Variants in SCFD1 observed in about 807,000 individuals in gnomAD.
SCFD1 encodes the protein sec1 family domain containing 1, also known as sec1 family domain-containing protein 1.
In SCFD1, 37 loss-of-function variants were observed where a neutral mutation model predicts 103.2. That is an observed-to-expected ratio of 0.36 (90% CI 0.28 to 0.47). The LOEUF (loss-of-function observed/expected upper bound fraction) is 0.47, where lower values mean the gene tolerates loss of function less well. Among genes scored for constraint, SCFD1 ranks in the 20% least tolerant of loss-of-function variants. The pLI is 1.00. For missense variants in SCFD1, 639 were observed against 761.2 expected, an observed-to-expected ratio of 0.84 and a Z score of 1.89; for synonymous variants, 264 against 245.0, an observed-to-expected ratio of 1.08 and a Z score of -0.73.
intron 7 of SCFD1, among the ~76,000 whole-genome samples, chr14:30,645,155 T>C (rs1046384979): frequency 1.3e-5 from 2 of 152,190 alleles, no homozygotes; most frequent in Non-Finnish European, 2.9e-5. Flanking sequence ...TATGTGGCTT[T>C]ATTTCTGGGT....
intron 23 of SCFD1, among the ~76,000 whole-genome samples, chr14:30,723,601 A>G (rs754191422): frequency 6.6e-6 from 1 of 152,120 alleles, no homozygotes; most frequent in African/African-American, 2.4e-5. Context: ...TGATGTGTCC[A>G]TGTGTTCTCA....
At chr14:30,630,042 T>A (rs371663155) in intron 2 of SCFD1, among the ~76,000 whole-genome samples, 2 of 152,170 alleles carry the variant, frequency 1.3e-5, no homozygotes, top group Non-Finnish European at 2.9e-5. Flanking sequence ...AAAATAAGGG[T>A]ATGAACGTGA....
intron 12 of SCFD1, 61 bp downstream of exon 12, chr14:30,673,408 G>A (rs1028090054): frequency 1.7e-4 from 154 of 895,908 alleles, no homozygotes; most frequent in Admixed American, 3.5e-4. Flanking sequence ...GTTAGATAAA[G>A]AGATTTGGGT....
intron 23 of SCFD1, among the ~76,000 whole-genome samples, chr14:30,728,137 T>C (rs562783247): frequency 9.8e-5 from 15 of 152,302 alleles, no homozygotes; most frequent in African/African-American, 3.4e-4. Context: ...ACTCCACCCC[T>C]CCCTTATTTT....
intron 3 of SCFD1, 36 bp from the exon 4 acceptor site, chr14:30,633,911 A>G (rs374133174): frequency 1.3e-5 from 16 of 1,232,142 alleles, no homozygotes; most frequent in Non-Finnish European, 1.9e-5. Flanking sequence ...AAATAAGTGA[A>G]TAAAAAAATA....
intron 23 of SCFD1, among the ~76,000 whole-genome samples, chr14:30,730,729 C>T (rs1257645366): frequency 6.6e-6 from 1 of 152,188 alleles, no homozygotes; most frequent in Middle Eastern, 3.4e-3. Flanking sequence ...AAGTTGAGTT[C>T]TTTGTAGATT....
intron 10 of SCFD1, among the ~76,000 whole-genome samples, chr14:30,656,326 C>A (rs963151367): frequency 6.6e-6 from 1 of 152,084 alleles, no homozygotes; most frequent in African/African-American, 2.4e-5. Context: ...ATCCAAACAG[C>A]GAAGTTAATG....
intron 23 of SCFD1, among the ~76,000 whole-genome samples, chr14:30,733,319 A>AT (rs1031733810): frequency 6.6e-6 from 1 of 152,108 alleles, no homozygotes; most frequent in Non-Finnish European, 1.5e-5. Flanking sequence ...ATAAAGTTCA[A>AT]TTTTTAACTG....
At chr14:30,662,083 G>A (rs1334951408) in intron 10 of SCFD1, among the ~76,000 whole-genome samples, 1 of 152,148 alleles carries the variant, frequency 6.6e-6, no homozygotes, top group Non-Finnish European at 1.5e-5. Context: ...AAATAATTGT[G>A]ATTTACAGGA....
intron 14 of SCFD1, among the ~76,000 whole-genome samples, chr14:30,680,345 T>G (rs1256327647): frequency 1.3e-5 from 2 of 151,918 alleles, no homozygotes; most frequent in Middle Eastern, 3.4e-3. Context: ...GGATGTGGGG[T>G]TTTTTTTCTT....
intron 14 of SCFD1, among the ~76,000 whole-genome samples, chr14:30,694,354 C>A (rs1890537163): frequency 6.6e-6 from 1 of 151,980 alleles, no homozygotes; most frequent in African/African-American, 2.4e-5. Flanking sequence ...AATATATATT[C>A]AAAAGTAAGA....
rs747473312 is a variant in SCFD1, at chr14:30,622,340, T to TGGCGGCGGC, written c.9_17dup (p.Ala5_Ala7dup). The TGGCGGCGGC allele has an allele frequency of 2.7e-5, 42 of 1,576,440 alleles. No homozygotes were observed. Among genetic ancestry groups the TGGCGGCGGC allele is most frequent in the East Asian group, 2.6e-4 (11 of 42,756 alleles). ...GGGCAGTGGCTCGTGGGAGCCAAGA[T>TGGCGGCGGC]GGCGGCGGCGGCGGCAGCGACAGCA... On this transcript the variant is annotated inframe_insertion, in exon 1 of 25. Transcript: ENST00000458591.
intron 1 of SCFD1, among the ~76,000 whole-genome samples, chr14:30,625,210 A>C (rs1883259945): frequency 6.9e-6 from 1 of 145,722 alleles, no homozygotes; most frequent in African/African-American, 2.7e-5. Flanking sequence ...AGCACTCATC[A>C]AACGTGTTGA....
At chr14:30,645,189 A>G (rs1032418052) in intron 7 of SCFD1, among the ~76,000 whole-genome samples, 3 of 152,186 alleles carry the variant, frequency 2.0e-5, no homozygotes, top group Admixed American at 6.5e-5. Context: ...CCATTGGTCC[A>G]TGTGTCTGTT....
intron 19 of SCFD1, among the ~76,000 whole-genome samples, chr14:30,713,475 C>T (rs1262254662): frequency 2.0e-5 from 3 of 152,134 alleles, no homozygotes; most frequent in Admixed American, 2.0e-4. Context: ...AAATTTTTCT[C>T]ATGTTACTTA....
intron 10 of SCFD1, among the ~76,000 whole-genome samples, chr14:30,660,603 C>G (rs1218327745): frequency 1.3e-5 from 2 of 152,062 alleles, no homozygotes; most frequent in Non-Finnish European, 2.9e-5. Context: ...TTTTAGCCAA[C>G]ATGCTTATAT....
At chr14:30,734,955 C>G in intron 24 of SCFD1, 97 bp downstream of exon 24, 1 of 908,204 alleles carries the variant, frequency 1.1e-6, no homozygotes, top group African/African-American at 1.7e-5. Context: ...CTCACCTGAA[C>G]CAGCCGAAAC....
At chr14:30,728,962 A>G (rs1893251314) in intron 23 of SCFD1, among the ~76,000 whole-genome samples, 1 of 150,624 alleles carries the variant, frequency 6.6e-6, no homozygotes, top group Non-Finnish European at 1.5e-5. Context: ...CTCCTGCCTC[A>G]GCCTCCCAAG....
intron 14 of SCFD1, among the ~76,000 whole-genome samples, chr14:30,690,699 C>T (rs1343561706): frequency 4.0e-5 from 6 of 149,162 alleles, no homozygotes; most frequent in Non-Finnish European, 5.9e-5. Flanking sequence ...CACTGGCCTG[C>T]GCCCACTGTC....
Sources: gnomAD v4.1 joint callset for allele counts (sites outside exome capture counted in the v4.1 genomes callset) on GRCh38, gnomAD v4.1.1 for gene constraint, MANE v1.5 for transcripts, NCBI Gene and HGNC (gene_info 2026-07-23, HGNC 2026-07-21) for gene names.